Variants in SUSD3 observed in about 807,000 individuals in gnomAD.
SUSD3 encodes sushi domain-containing protein 3.
SUSD3 carries 18 observed loss-of-function variants against 20.6 expected under a neutral mutation model. The observed-to-expected ratio is 0.87, with a 90% CI of 0.60 to 1.30. SUSD3 has a LOEUF of 1.30. Ranked by LOEUF, SUSD3 falls within the 50% of genes most tolerant of loss-of-function variation. The pLI is 0.00. For missense variants in SUSD3, 306 were observed against 346.9 expected, an observed-to-expected ratio of 0.88 and a Z score of 0.94; for synonymous variants, 137 against 141.5, an observed-to-expected ratio of 0.97 and a Z score of 0.23.
chr9:93,078,459 C>A (rs950103042), intron 3 of SUSD3, among the ~76,000 whole-genome samples: 5 of 152,152 alleles, frequency 3.3e-5, no homozygotes, highest in Non-Finnish European at 7.3e-5. Context: ...GGGGTTTCAC[C>A]ATATTGGCCA....
intron 1 of SUSD3, among the ~76,000 whole-genome samples, chr9:93,062,449 T>A (rs562513695): frequency 6.6e-6 from 1 of 152,232 alleles, no homozygotes; most frequent in East Asian, 1.9e-4. Flanking sequence ...AACCATGGGC[T>A]GGGGAACAGC....
chr9:93,062,894 C>T (rs1046006715), intron 1 of SUSD3, among the ~76,000 whole-genome samples: 1 of 152,170 alleles, frequency 6.6e-6, no homozygotes, highest in African/African-American at 2.4e-5. Context: ...TGCTGCCTGC[C>T]TGCCCCATCC....
chr9:93,068,888 A>G (rs1032879832), intron 1 of SUSD3, among the ~76,000 whole-genome samples: 1 of 152,142 alleles, frequency 6.6e-6, no homozygotes, highest in African/African-American at 2.4e-5. Context: ...TTTTTCCCTA[A>G]ACACATGTAC....
intron 1 of SUSD3, chr9:93,069,028 T>C: frequency 1.5e-6 from 1 of 682,862 alleles, no homozygotes; most frequent in Non-Finnish European, 2.7e-6. Flanking sequence ...TCTAAATATC[T>C]TAATAGACGG....
In SUSD3 at chr9:93,075,920, C is replaced by T. The variant is rs1826138096; in HGVS notation, c.225C>T (p.Cys75=). ...TGGTGGGGTCTGGGCTCCTCACCTG[C>T]ACCTGGAAGGGGAGCATCGCTGAGT... The part of the protein sequence containing the change: ...HQMVGSGLLT[C]TWKGSIAEWS... The change falls in exon 2 of 5, where the codon TGC becomes TGT. Residue 75 remains cysteine, a synonymous_variant. Transcript: ENST00000375472. 6.2e-7 allele frequency: 1 copy of T among 1,613,562 alleles called. No individual in the cohort carries two copies. The highest frequency in any genetic ancestry group is 8.5e-7 in the Non-Finnish European group (1 of 1,179,654).
At position 93,077,856 on chromosome 9, in the gene SUSD3, A is replaced by G. The variant is rs942391210; in HGVS notation, c.288A>G (p.Pro96=). Reference sequence around the variant, plus strand: ...TTGTCTCCCACACAGTGGTGCCACCACACGAGACCTTTGGCTTCAAGGTGG... The same window carrying G: ...TTGTCTCCCACACAGTGGTGCCACCGCACGAGACCTTTGGCTTCAAGGTGG... The part of the protein sequence containing the change: ...SGSPVCKLVP[P]HETFGFKVAV... Residue 96 remains proline (P), a synonymous_variant, in exon 3 of 5, where the codon CCA becomes CCG. Coordinates refer to ENST00000375472, the MANE Select transcript of SUSD3 (RefSeq NM_145006.4). 1 of 1,614,150 alleles carries G rather than the reference A, an allele frequency of 6.2e-7. No homozygotes were observed.
At chr9:93,081,056 C>T (rs1198143477) in intron 4 of SUSD3, among the ~76,000 whole-genome samples, 1 of 152,156 alleles carries the variant, frequency 6.6e-6, no homozygotes, top group Non-Finnish European at 1.5e-5. Flanking sequence ...ATGCCCCTTC[C>T]CCCACATTAT....
At chr9:93,081,336 A>T (rs80281993) in intron 4 of SUSD3, among the ~76,000 whole-genome samples, 1 of 152,074 alleles carries the variant, frequency 6.6e-6, no homozygotes, top group Admixed American at 6.5e-5. Context: ...CCCTTCCTTC[A>T]GGCCCTCCTG....
chr9:93,076,299 A>G (rs1404481199), intron 2 of SUSD3, among the ~76,000 whole-genome samples: 1 of 143,842 alleles, frequency 7.0e-6, no homozygotes, highest in Non-Finnish European at 1.5e-5. Context: ...TTAAGCAGGA[A>G]ACTATGTTTG....
intron 1 of SUSD3, among the ~76,000 whole-genome samples, chr9:93,067,764 A>C (rs892572610): frequency 2.6e-5 from 4 of 151,926 alleles, no homozygotes; most frequent in Non-Finnish European, 5.9e-5. Context: ...CGCCTGGCTA[A>C]TTTTTGTAGT....
At chr9:93,070,816 G>A (rs560126161) in intron 1 of SUSD3, among the ~76,000 whole-genome samples, 2 of 152,226 alleles carry the variant, frequency 1.3e-5, no homozygotes. Flanking sequence ...GTTCGTTTCT[G>A]TACTGTCACC....
chr9:93,075,674 C>T, intron 1 of SUSD3, 110 bp from the exon 2 acceptor site: 1 of 774,720 alleles, frequency 1.3e-6, no homozygotes, highest in Non-Finnish European at 2.1e-6. Context: ...CACCCCACCC[C>T]TGTGCTCCCC....
At chr9:93,074,322 C>T (rs958813090) in intron 1 of SUSD3, among the ~76,000 whole-genome samples, 9 of 147,866 alleles carry the variant, frequency 6.1e-5, no homozygotes, top group East Asian at 2.1e-4. Flanking sequence ...CCCAGCTACT[C>T]GGGAGGGTGA....
intron 1 of SUSD3, 46 bp from the exon 2 acceptor site, chr9:93,075,738 C>A: frequency 1.5e-5 from 3 of 200,802 alleles, no homozygotes; most frequent in South Asian, 3.5e-5. Flanking sequence ...CCCTGCGTGC[C>A]CACCCCCCCC....
At chr9:93,075,411 C>CTTTTTTTTTTTTTTTTTTTTTTT (rs58393196) in intron 1 of SUSD3, among the ~76,000 whole-genome samples, 4 of 101,276 alleles carry the variant, frequency 3.9e-5, no homozygotes, top group Non-Finnish European at 5.7e-5. Context: ...CTCTGTCCCT[C>CTTTTTTTTTTTTTTTTTTTTTTT]TTTTTTTTTT....
chr9:93,065,029 C>A (rs999666852), intron 1 of SUSD3, among the ~76,000 whole-genome samples: 1 of 152,204 alleles, frequency 6.6e-6, no homozygotes, highest in Non-Finnish European at 1.5e-5. Flanking sequence ...AGTGCCCAGA[C>A]CGCTCAGCAG....
intron 1 of SUSD3, among the ~76,000 whole-genome samples, chr9:93,061,383 C>T (rs1423951055): frequency 6.6e-6 from 1 of 152,268 alleles, no homozygotes; most frequent in African/African-American, 2.4e-5. Flanking sequence ...GGCCTCCTGC[C>T]ACCCATTGGC....
At position 93,082,552 on chromosome 9, in the gene SUSD3, C is replaced by T. The variant is rs778850367; in HGVS notation, c.558-1985C>T. On this transcript the variant is annotated intron_variant, in intron 4 of 4. Transcript: ENST00000375472. ...CAGGATGGTCTCGATCTCCTCACCT[C>T]GTGATCTGCCCACCTCGGCCTCCCA... Among the ~76,000 whole-genome samples, 59 of 152,112 alleles carry T rather than the reference C, an allele frequency of 3.9e-4. 1 individual carries two copies. Among genetic ancestry groups the T allele is most frequent in the Non-Finnish European group, 4.9e-4 (33 of 68,018 alleles).
chr9:93,072,624 G>A (rs910711699), intron 1 of SUSD3, among the ~76,000 whole-genome samples: 1 of 152,182 alleles, frequency 6.6e-6, no homozygotes, highest in Non-Finnish European at 1.5e-5. Context: ...TGAGATGTGG[G>A]GTAAGAAATG....
Sources: allele counts gnomAD v4.1 joint callset (sites outside exome capture counted in the v4.1 genomes callset), GRCh38; gene constraint gnomAD v4.1.1; transcripts MANE v1.5; gene names NCBI Gene and HGNC (gene_info 2026-07-23, HGNC 2026-07-21).